C10orf90: variants seen among roughly 807,000 people sequenced by gnomAD.
C10orf90 encodes the protein (E2-independent) E3 ubiquitin-conjugating enzyme FATS.
C10orf90 carries 56 observed loss-of-function variants against 62.5 expected under a neutral mutation model. That is an observed-to-expected ratio of 0.90 (90% CI 0.72 to 1.12). The LOEUF (loss-of-function observed/expected upper bound fraction) is 1.12, where lower values mean the gene tolerates loss of function less well. C10orf90 is among the 50% of genes most tolerant of loss of function. The pLI, the probability that C10orf90 is intolerant of heterozygous loss-of-function variation, is 0.00. For synonymous variants in C10orf90, 386 were observed against 340.4 expected (o/e 1.13, Z -1.47); for missense variants, 970 against 880.4 (o/e 1.10, Z -1.29).
chr10:126,545,205 A>G lies in C10orf90; in HGVS notation c.314-31266T>C, dbSNP rs375629196. Among the ~76,000 whole-genome samples, 35 of 152,248 alleles carry G rather than the reference A, an allele frequency of 2.3e-4. No individual in the cohort carries two copies. In the East Asian group the frequency reaches 4.8e-3, roughly 21 times the overall value. Reference sequence around the variant, plus strand: ...CTGATCTCTCTCATCCTCCGGAGCCAGGTCTCTGACCCCTGGGACCCATGC... The same window carrying G: ...CTGATCTCTCTCATCCTCCGGAGCCGGGTCTCTGACCCCTGGGACCCATGC... On this transcript the variant is annotated intron_variant, in intron 2 of 9. Transcript: ENST00000488181.
intron 4 of C10orf90, among the ~76,000 whole-genome samples, chr10:126,491,847 GA>G (rs1861789484): frequency 6.6e-6 from 1 of 152,296 alleles, no homozygotes; most frequent in East Asian, 1.9e-4. Flanking sequence ...AATCATTTAG[GA>G]AAAGCAGATT....
intron 3 of C10orf90, among the ~76,000 whole-genome samples, chr10:126,511,174 T>C (rs1564846012): frequency 6.6e-6 from 1 of 152,246 alleles, no homozygotes; most frequent in Non-Finnish European, 1.5e-5. Context: ...TTCCAGTGTA[T>C]GAACTTGCTC....
chr10:126,571,135 C>A (rs73378960), intron 2 of C10orf90, among the ~76,000 whole-genome samples: 1 of 152,236 alleles, frequency 6.6e-6, no homozygotes, highest in Non-Finnish European at 1.5e-5. Context: ...GAAACGTAAA[C>A]GCAGTGAGAA....
chr10:126,579,759 GAA>G (rs562317648), intron 2 of C10orf90, among the ~76,000 whole-genome samples: 2 of 142,182 alleles, frequency 1.4e-5, no homozygotes, highest in African/African-American at 2.6e-5. Context: ...GTAAAGTAAT[GAA>G]AAAAAAAAAA....
intron 4 of C10orf90, among the ~76,000 whole-genome samples, chr10:126,499,839 G>A (rs576641481): frequency 1.8e-4 from 27 of 152,304 alleles, no homozygotes; most frequent in African/African-American, 6.3e-4. Flanking sequence ...CTCTTCAATA[G>A]CATCTACCAT....
At chr10:126,661,010 G>A in intron 1 of C10orf90, among the ~76,000 whole-genome samples, 1 of 152,166 alleles carries the variant, frequency 6.6e-6, no homozygotes, top group Admixed American at 6.5e-5. Context: ...TGACACAAAT[G>A]TCATTAACTT....
At chr10:126,610,043 T>G (rs1003134694) in intron 2 of C10orf90, among the ~76,000 whole-genome samples, 1 of 152,128 alleles carries the variant, frequency 6.6e-6, no homozygotes, top group Non-Finnish European at 1.5e-5. Context: ...CTCAGGATCA[T>G]GAGTGTCTGG....
chr10:126,595,218 ACCCAAGCAG>A (rs879457710), intron 2 of C10orf90, among the ~76,000 whole-genome samples: 6 of 152,104 alleles, frequency 3.9e-5, no homozygotes, highest in Admixed American at 3.3e-4. Flanking sequence ...GTCTTTGGAA[ACCCAAGCAG>A]ATCATGAGGA....
intron 7 of C10orf90, among the ~76,000 whole-genome samples, chr10:126,441,697 C>T (rs1449835764): frequency 6.6e-6 from 1 of 152,084 alleles, no homozygotes; most frequent in Non-Finnish European, 1.5e-5. Context: ...CAGCAGAAAC[C>T]CTACAGCCTA....
In C10orf90 at chr10:126,446,075, G is replaced by A. The variant is rs371413822; in HGVS notation, c.2188+12965C>T. On this transcript the variant is annotated intron_variant, in intron 7 of 9. Transcript: ENST00000488181. ...ACAGCATATACTGCTCGAGTGATGG[G>A]TACATCAAAATCTCACAAATCACCG... Among the ~76,000 whole-genome samples, 115 of 151,842 alleles carry A rather than the reference G, an allele frequency of 7.6e-4. 3 individuals are homozygous for A. The South Asian group carries it at 0.018, about 24-fold the overall frequency.
intron 2 of C10orf90, among the ~76,000 whole-genome samples, chr10:126,548,873 A>G (rs1045037171): frequency 2.0e-5 from 3 of 152,152 alleles, no homozygotes; most frequent in African/African-American, 7.2e-5. Flanking sequence ...ATCCACATAA[A>G]TAGGACCAAG....
At chr10:126,664,843 C>T (rs1221363361) in intron 1 of C10orf90, among the ~76,000 whole-genome samples, 1 of 152,230 alleles carries the variant, frequency 6.6e-6, no homozygotes, top group South Asian at 2.1e-4. Context: ...TAACTCCTCA[C>T]ACCTCTTTAG....
chr10:126,602,606 C>T (rs1247348950), intron 2 of C10orf90, among the ~76,000 whole-genome samples: 1 of 152,172 alleles, frequency 6.6e-6, no homozygotes, highest in African/African-American at 2.4e-5. Context: ...GGGCCATTTT[C>T]CTGGTTTGGA....
At chr10:126,508,026 T>C (rs1414172122) in intron 3 of C10orf90, among the ~76,000 whole-genome samples, 1 of 150,562 alleles carries the variant, frequency 6.6e-6, no homozygotes, top group Non-Finnish European at 1.5e-5. Context: ...CCTTTGACAC[T>C]GCTCTTTGAA....
Position 126,464,854 on chromosome 10 carries a change from T to C in C10orf90, c.1667A>G (p.Asp556Gly). Residue 556 changes from aspartate (D) to glycine (G), a missense_variant, in exon 5 of 10, where the codon GAC becomes GGC. Transcript: ENST00000488181. ...CTCAGAAAGGTCTCTAGACAGACAG[T>C]CATCGCTTGGAGAGCTATCCCCAAT... The part of the protein sequence containing the change: ...LPIGDSSPSD[D>G]CLSRDLSEPT... 6.2e-7 allele frequency: 1 copy of C among 1,614,168 alleles called. No homozygotes were observed. The highest frequency in any genetic ancestry group is 1.1e-5 in the South Asian group (1 of 91,076).
chr10:126,538,512 T>C (rs988356499), intron 2 of C10orf90, among the ~76,000 whole-genome samples: 3 of 152,216 alleles, frequency 2.0e-5, no homozygotes, highest in Non-Finnish European at 4.4e-5. Flanking sequence ...TAAATGCCTG[T>C]TGCTTAAGCT....
intron 1 of C10orf90, among the ~76,000 whole-genome samples, chr10:126,652,695 A>G (rs1591176687): frequency 6.6e-6 from 1 of 152,234 alleles, no homozygotes; most frequent in African/African-American, 2.4e-5. Context: ...CTATGCAAAC[A>G]TCAGCCATGA....
intron 2 of C10orf90, among the ~76,000 whole-genome samples, chr10:126,563,522 T>C (rs1312320090): frequency 6.6e-6 from 1 of 152,154 alleles, no homozygotes; most frequent in Non-Finnish European, 1.5e-5. Context: ...CACAGTCAAA[T>C]CCTTAGAGGG....
Position 126,461,407 on chromosome 10 carries a change from G to A in C10orf90, c.2004C>T (p.Thr668=), listed in dbSNP as rs1316098720. 2 of 1,613,832 alleles carry A rather than the reference G, an allele frequency of 1.2e-6. No individual in the cohort carries two copies. The stretch of plus-strand genomic sequence containing the variant: ...GACACACAGAAGGCCTTACTTGCAA[G>A]GTCAAAGATCTTGCAGGCGTTTGCT... ...ESQQTPARSL[T]LQEALEVRKP... The change falls in exon 6 of 10, where the codon ACC becomes ACT. Residue 668 remains threonine (T), a synonymous_variant. Transcript: ENST00000488181.
Sources: allele counts gnomAD v4.1 joint callset (sites outside exome capture counted in the v4.1 genomes callset), GRCh38; gene constraint gnomAD v4.1.1; transcripts MANE v1.5; gene names NCBI Gene and HGNC (gene_info 2026-07-23, HGNC 2026-07-21).